The following TCEAL3 variants were observed in gnomAD, a reference collection of about 807,000 sequenced individuals.
The protein encoded by TCEAL3 is transcription elongation factor A like 3, also known as transcription elongation factor A protein-like 3.
For missense variants in TCEAL3, 99 were observed against 156.4 expected, an observed-to-expected ratio of 0.63 and a Z score of 1.96; for synonymous variants, 41 against 60.2, an observed-to-expected ratio of 0.68 and a Z score of 1.48.
rs762993601 is a variant in TCEAL3, at chrX:103,608,814, T to C, written c.-28+141T>C. 4.5e-5 allele frequency: 23 copies of C among 510,749 alleles called. No individual in the cohort carries two copies. The South Asian group carries it at 6.7e-4, about 15-fold the overall frequency. 42.1% of individuals were successfully genotyped at this position (510,749 alleles called of 1,213,427 possible). On this transcript the variant is annotated intron_variant, in intron 2 of 2. Coordinates refer to ENST00000372627, the MANE Select transcript of TCEAL3 (RefSeq NM_032926.3). Reference sequence around the variant, plus strand: ...CACACACCTTACCAGGCTGAACCAGTGCAGAGAAGGTGGCAGGGACTGCCA... The same window carrying C: ...CACACACCTTACCAGGCTGAACCAGCGCAGAGAAGGTGGCAGGGACTGCCA...
rs1057346707 is a variant in TCEAL3 at position 103,609,854 on chromosome X, T to C, written c.*187T>C. The C allele has an allele frequency of 1.9e-6, 1 of 529,934 alleles. No individual in the cohort carries two copies. The highest frequency in any genetic ancestry group is 2.9e-6 in the Non-Finnish European group (1 of 340,789). 43.7% of individuals were successfully genotyped at this position (529,934 alleles called of 1,213,427 possible). The stretch of plus-strand genomic sequence containing the variant: ...TATTTTAGTAGAGGATTTTCACCCA[T>C]GTGCATGGAAAAGATGTTCATGGTA... On this transcript the variant is annotated 3_prime_UTR_variant, in exon 3 of 3. Transcript: ENST00000372627.
At chrX:103,608,756 C>T (rs1218078157) in intron 2 of TCEAL3, 83 bp downstream of exon 2, 2 of 444,527 alleles carry the variant, frequency 4.5e-6, no homozygotes, top group African/African-American at 2.5e-5. Flanking sequence ...CAGGGCCGAA[C>T]TGGGGCCCCT....
chrX:103,609,102 A>G lies in TCEAL3; in HGVS notation c.38A>G (p.Glu13Gly). ...KPYNKNEGNL[E>G]NEGKPEDEVE... Reference sequence around the variant, plus strand: ...TACAATAAAAATGAAGGAAACCTGGAAAACGAGGGAAAGCCAGAAGATGAA... The same window carrying G: ...TACAATAAAAATGAAGGAAACCTGGGAAACGAGGGAAAGCCAGAAGATGAA... Residue 13 changes from glutamate to glycine, a missense_variant, in exon 3 of 3, where the codon GAA becomes GGA. Coordinates refer to ENST00000372627, the MANE Select transcript of TCEAL3 (RefSeq NM_032926.3). 8.3e-7 allele frequency: 1 copy of G among 1,206,776 alleles called. No homozygotes were observed. The highest frequency in any genetic ancestry group is 1.1e-6 in the Non-Finnish European group (1 of 893,941).
Position 103,609,077 on chromosome X carries a change from T to C in TCEAL3, c.13T>C (p.Tyr5His), listed in dbSNP as rs780069315. The change falls in exon 3 of 3, where the codon TAC becomes CAC. Residue 5 changes from tyrosine to histidine, a missense_variant. By Grantham distance (83) the Tyr-to-His change is moderately conservative. Transcript: ENST00000372627. Reference sequence around the variant, plus strand: ...GGGAAATCTCGACATGGAAAAACCCTACAATAAAAATGAAGGAAACCTGGA... The same window carrying C: ...GGGAAATCTCGACATGGAAAAACCCCACAATAAAAATGAAGGAAACCTGGA... MEKP[Y>H]NKNEGNLENE... The C allele has an allele frequency of 8.3e-7, 1 of 1,206,002 alleles. No individual in the cohort carries two copies. The highest frequency in any genetic ancestry group is 1.1e-6 in the Non-Finnish European group (1 of 893,398).
Position 103,609,839 on chromosome X carries a change from GA to G in TCEAL3, c.*173del, listed in dbSNP as rs1331726103. ...AACTACGGCGCTCTATATTTTAGTA[GA>G]GGATTTTCACCCATGTGCATGGAAA... On this transcript the variant is annotated 3_prime_UTR_variant, in exon 3 of 3. Transcript: ENST00000372627. The G allele has an allele frequency of 1.7e-6, 1 of 580,132 alleles. No individual in the cohort carries two copies. Among genetic ancestry groups the G allele is most frequent in the Non-Finnish European group, 2.6e-6 (1 of 384,479 alleles). The allele number at this position is 580,132 out of a possible 1,213,427, so 47.8% of individuals were successfully genotyped here. A position where few individuals can be genotyped will look rare whatever the true frequency, so the allele number is the denominator to read the frequency against.
chrX:103,609,058 T>C lies in TCEAL3; in HGVS notation c.-7T>C. On this transcript the variant is annotated 5_prime_UTR_variant, in exon 3 of 3. Transcript: ENST00000372627. ...CCCAGGACAGGAAAAGGAGGGGAAA[T>C]CTCGACATGGAAAAACCCTACAATA... The C allele has an allele frequency of 1.7e-6, 2 of 1,197,527 alleles. No homozygotes were observed. The highest frequency in any genetic ancestry group is 2.2e-6 in the Non-Finnish European group (2 of 889,485).
chrX:103,609,801 A>T lies in TCEAL3; in HGVS notation c.*134A>T, dbSNP rs2073649349. On this transcript the variant is annotated 3_prime_UTR_variant, in exon 3 of 3. Coordinates refer to ENST00000372627, the MANE Select transcript of TCEAL3 (RefSeq NM_032926.3). Reference sequence around the variant, plus strand: ...TTTAGATGTCAGTCTCGTTACCAGCAGCCTTTTGACCCAACTACGGCGCTC... The same window carrying T: ...TTTAGATGTCAGTCTCGTTACCAGCTGCCTTTTGACCCAACTACGGCGCTC... The T allele has an allele frequency of 2.2e-6, 2 of 922,390 alleles. No homozygotes were observed. Among genetic ancestry groups the T allele is most frequent in the African/African-American group, 2.0e-5 (1 of 49,781 alleles). 76.0% of individuals were successfully genotyped at this position (922,390 alleles called of 1,213,427 possible).
rs759123909 is a variant in TCEAL3 at position 103,609,748 on chromosome X, A to G, written c.*81A>G. 6.1e-5 allele frequency: 69 copies of G among 1,137,145 alleles called. No homozygotes were observed. Among genetic ancestry groups the G allele is most frequent in the East Asian group, 9.1e-5 (3 of 33,113 alleles). 93.7% of individuals were successfully genotyped at this position (1,137,145 alleles called of 1,213,427 possible). A position where few individuals can be genotyped will look rare whatever the true frequency, so the allele number is the denominator to read the frequency against. The stretch of plus-strand genomic sequence containing the variant: ...CCCTGGTAGGTATTTGCCAGGCCCA[A>G]TGCTTTAACCTTAAGCTGATACTTT... On this transcript the variant is annotated 3_prime_UTR_variant, in exon 3 of 3. Transcript: ENST00000372627.
intron 1 of TCEAL3, 58 bp from the exon 2 acceptor site, chrX:103,608,545 GA>G (rs1228990994): frequency 1.7e-5 from 6 of 354,145 alleles, no homozygotes; most frequent in Non-Finnish European, 1.8e-5. Context: ...AAAGGGAACC[GA>G]GTCCCTGTGA....
At position 103,608,753 on chromosome X, in the gene TCEAL3, G is replaced by C. The variant is rs1344190021; in HGVS notation, c.-28+80G>C. 7 of 451,116 alleles carry C rather than the reference G, an allele frequency of 1.6e-5. No homozygotes were observed. In the Admixed American group the frequency reaches 2.1e-4, roughly 13 times the overall value. 37.2% of individuals were successfully genotyped at this position (451,116 alleles called of 1,213,427 possible). On this transcript the variant is annotated intron_variant, in intron 2 of 2. Coordinates refer to ENST00000372627, the MANE Select transcript of TCEAL3 (RefSeq NM_032926.3). ...GAGTGTGGAGGGCCCGGCCAGGGCC[G>C]AACTGGGGCCCCTGCCCATCCCCCA... is the stretch of plus-strand genomic sequence containing the variant.
chrX:103,609,857 G>T lies in TCEAL3; in HGVS notation c.*190G>T. On this transcript the variant is annotated 3_prime_UTR_variant, in exon 3 of 3. Coordinates refer to ENST00000372627, the MANE Select transcript of TCEAL3 (RefSeq NM_032926.3). ...TTTAGTAGAGGATTTTCACCCATGT[G>T]CATGGAAAAGATGTTCATGGTACAT... The T allele has an allele frequency of 1.4e-5, 7 of 514,518 alleles. No individual in the cohort carries two copies. Among genetic ancestry groups the T allele is most frequent in the Non-Finnish European group, 1.8e-5 (6 of 327,820 alleles). 42.4% of individuals were successfully genotyped at this position (514,518 alleles called of 1,213,427 possible).
rs866183528 is a variant in TCEAL3, at chrX:103,609,611, G to A, written c.547G>A (p.Gly183Arg). 1 of 1,211,953 alleles carries A rather than the reference G, an allele frequency of 8.3e-7. No homozygotes were observed. The highest frequency in any genetic ancestry group is 1.1e-6 in the Non-Finnish European group (1 of 895,572). Residue 183 changes from glycine to arginine, a missense_variant, in exon 3 of 3, where the codon GGA becomes AGA. Gly to Arg is a moderately radical substitution (Grantham distance 125). Coordinates refer to ENST00000372627, the MANE Select transcript of TCEAL3 (RefSeq NM_032926.3). Reference sequence around the variant, plus strand: ...CCCAAGGGGACAACGGGGTGTCAGGGGAGTGAGGGGTGGAGGTAGGGGCCA... The same window carrying A: ...CCCAAGGGGACAACGGGGTGTCAGGAGAGTGAGGGGTGGAGGTAGGGGCCA... ...FAPRGQRGVR[G>R]VRGGGRGQRG... is the part of the protein sequence containing the mutation.
Position 103,608,618 on chromosome X carries a change from TCC to T in TCEAL3, c.-81_-80del. On this transcript the variant is annotated 5_prime_UTR_variant, in exon 2 of 3. Transcript: ENST00000372627. The stretch of plus-strand genomic sequence containing the variant: ...TCTGTCCGCAGGTCTGCGCGTCTGT[TCC>T]CAGCGCTCTGCGAGGCCTAAAAAGG... The T allele has an allele frequency of 1.5e-6, 1 of 657,038 alleles. No homozygotes were observed. The highest frequency in any genetic ancestry group is 2.3e-6 in the Non-Finnish European group (1 of 435,722). The allele number at this position is 657,038 out of a possible 1,213,427, so 54.1% of individuals were successfully genotyped here.
chrX:103,608,532 A>T, intron 1 of TCEAL3, 72 bp from the exon 2 acceptor site: 1 of 325,893 alleles, frequency 3.1e-6, no homozygotes, highest in Non-Finnish European at 5.1e-6. Flanking sequence ...GCCTGGACTC[A>T]GGAAAGGGAA....
chrX:103,608,773 C>A, intron 2 of TCEAL3, 100 bp downstream of exon 2: 1 of 449,806 alleles, frequency 2.2e-6, no homozygotes. Context: ...CCCTGCCCAT[C>A]CCCCACTCAC....
intron 1 of TCEAL3, 41 bp from the exon 2 acceptor site, chrX:103,608,563 T>C: frequency 2.2e-6 from 1 of 445,777 alleles, no homozygotes. Context: ...GTGAGACCGC[T>C]GACTGCGCAG....
At chrX:103,608,388 A>T (rs2073639408) in intron 1 of TCEAL3, among the ~76,000 whole-genome samples, 1 of 112,741 alleles carries the variant, frequency 8.9e-6, no homozygotes, top group African/African-American at 3.2e-5. Flanking sequence ...GCGCTGGGAC[A>T]GGTTGCCTCC....
chrX:103,608,727 A>T (rs1160624044), intron 2 of TCEAL3, 54 bp downstream of exon 2: 4 of 467,126 alleles, frequency 8.6e-6, no homozygotes, highest in Admixed American at 3.7e-5. Flanking sequence ...ATAAGGGTTG[A>T]GAGTGTGGAG....
In TCEAL3 at chrX:103,609,905, TA is replaced by T. The variant is rs1449021829; in HGVS notation, c.*245del. 7.5e-6 allele frequency: 3 copies of T among 398,698 alleles called. No individual in the cohort carries two copies. The highest frequency in any genetic ancestry group is 8.3e-6 in the Non-Finnish European group (2 of 240,355). The allele number at this position is 398,698 out of a possible 1,213,427, so 32.9% of individuals were successfully genotyped here. ...CATTGTAAAAAAATAAAATTAAAAT[TA>T]AAAAAAGTTTGCAGAACCGCATATA... On this transcript the variant is annotated 3_prime_UTR_variant, in exon 3 of 3. Transcript: ENST00000372627.
Sources: gnomAD v4.1 joint callset for allele counts (sites outside exome capture counted in the v4.1 genomes callset) on GRCh38, gnomAD v4.1.1 for gene constraint, MANE v1.5 for transcripts, NCBI Gene and HGNC (gene_info 2026-07-23, HGNC 2026-07-21) for gene names.